TCF3: variants seen among roughly 807,000 people sequenced by gnomAD.
TCF3 encodes the protein transcription factor 3, also known as transcription factor E2-alpha.
In TCF3, 54 loss-of-function variants were observed where a neutral mutation model predicts 72.3. That is an observed-to-expected ratio of 0.75 (90% CI 0.60 to 0.94). TCF3 has a LOEUF of 0.94. Ranked by LOEUF, TCF3 falls within the 40% of genes least tolerant of loss-of-function variation. The probability of loss-of-function intolerance (pLI) is 0.00; values close to 1 mark genes in which losing one functional copy is unlikely to be tolerated. For missense variants in TCF3, 1,078 were observed against 934.4 expected (o/e 1.15, Z -2.00); for synonymous variants, 525 against 412.6 (o/e 1.27, Z -3.30).
intron 3 of TCF3, among the ~76,000 whole-genome samples, chr19:1,644,918 C>T (rs570792578): frequency 2.0e-5 from 3 of 152,132 alleles, no homozygotes; most frequent in Admixed American, 6.5e-5. Context: ...GGGCCTGACC[C>T]TCTGCCTCAC....
chr19:1,625,663 G>A lies in TCF3; in HGVS notation c.412C>T (p.Leu138=). The A allele has an allele frequency of 1.3e-6, 2 of 1,528,586 alleles. No homozygotes were observed. The highest frequency in any genetic ancestry group is 1.7e-6 in the Non-Finnish European group (2 of 1,144,800). 94.7% of individuals were successfully genotyped at this position (1,528,586 alleles called of 1,614,324 possible). The change falls in exon 7 of 19, where the codon CTG becomes TTG. Residue 138 remains leucine, a synonymous_variant. Transcript: ENST00000262965. ...GTCCCCTTCATGCCCGAAGGGGACA[G>A]GGGCCCGGGGCTGTTGAGGGCCAGC... ...GELALNSPGP[L]SPSGMKGTSQ...
intron 18 of TCF3, among the ~76,000 whole-genome samples, chr19:1,613,713 G>A (rs2061269625): frequency 6.6e-6 from 1 of 152,114 alleles, no homozygotes; most frequent in Non-Finnish European, 1.5e-5. Flanking sequence ...CATCCCCCGA[G>A]ACCCCCACAC....
chr19:1,615,153 A>C lies in TCF3; in HGVS notation c.1822+132T>G, dbSNP rs73919275. 2.6e-3 allele frequency: 2,832 copies of C among 1,080,900 alleles called. 49 individuals carry two copies. The African/African-American group carries it at 0.042, about 16-fold the overall frequency. 67.0% of individuals were successfully genotyped at this position (1,080,900 alleles called of 1,614,324 possible). On this transcript the variant is annotated intron_variant, in intron 18 of 18. Transcript: ENST00000262965. The surrounding 1 kb of genome is among the most constrained non-coding windows in gnomAD (Gnocchi z 7.3). ...ATGCGGTCAGAGGGGTGAAGGGCAC[A>C]GTCACTGCAAGGAGGCAACTGCTGC... is the stretch of plus-strand genomic sequence containing the variant.
At chr19:1,621,243 C>T (rs528268661) in intron 11 of TCF3, 52 bp from the exon 12 acceptor site, 38 of 1,515,762 alleles carry the variant, frequency 2.5e-5, no homozygotes, top group African/African-American at 2.3e-4. Context: ...GTGCTGCCGC[C>T]GACGGCAAGC....
intron 18 of TCF3, chr19:1,612,276 CT>C: frequency 6.2e-7 from 1 of 1,613,274 alleles, no homozygotes; most frequent in East Asian, 2.2e-5. Flanking sequence ...TTGGTCTGCG[CT>C]TTGTCCGACT....
chr19:1,625,658 G>T lies in TCF3; in HGVS notation c.417C>A (p.Ser139=). 6.5e-7 allele frequency: 1 copy of T among 1,537,530 alleles called. No individual in the cohort carries two copies. The highest frequency in any genetic ancestry group is 8.7e-7 in the Non-Finnish European group (1 of 1,148,886). Residue 139 remains serine (S), a synonymous_variant, in exon 7 of 19, where the codon TCC becomes TCA. Transcript: ENST00000262965. ...ELALNSPGPL[S]PSGMKGTSQY... ...GGGAGGTCCCCTTCATGCCCGAAGGGGACAGGGGCCCGGGGCTGTTGAGGG... is the reference window on the plus strand; with the variant it reads ...GGGAGGTCCCCTTCATGCCCGAAGGTGACAGGGGCCCGGGGCTGTTGAGGG...
Position 1,614,556 on chromosome 19 carries a change from G to C in TCF3, c.1822+729C>G, listed in dbSNP as rs562447957. Among the ~76,000 whole-genome samples the C allele has an allele frequency of 8.5e-5, 13 of 152,288 alleles. No individual in the cohort carries two copies. The highest frequency in any genetic ancestry group is 1.8e-4 in the Non-Finnish European group (12 of 68,010). ...CGGCTGCAGAGACTCGGAAACCTTAGAGCTGAGGGGATAGCGTGTGGGCCG... is the reference window on the plus strand; with the variant it reads ...CGGCTGCAGAGACTCGGAAACCTTACAGCTGAGGGGATAGCGTGTGGGCCG... On this transcript the variant is annotated intron_variant, in intron 18 of 18. Coordinates refer to ENST00000262965, the MANE Select transcript of TCF3 (RefSeq NM_003200.5). The surrounding 1 kb of genome is among the most constrained non-coding windows in gnomAD (Gnocchi z 5.6).
At chr19:1,643,623 C>A (rs1338294356) in intron 3 of TCF3, among the ~76,000 whole-genome samples, 1 of 152,216 alleles carries the variant, frequency 6.6e-6, no homozygotes, top group Non-Finnish European at 1.5e-5. Context: ...TCAAGCGATC[C>A]TCCTGCCTTG....
chr19:1,649,584 G>A (rs768572257), intron 2 of TCF3, among the ~76,000 whole-genome samples: 7 of 152,012 alleles, frequency 4.6e-5, no homozygotes, highest in Admixed American at 6.6e-5. Context: ...CTAATTTTTT[G>A]AGTTTTGTTT....
At chr19:1,618,169 G>C (rs958339304) in intron 16 of TCF3, among the ~76,000 whole-genome samples, 1 of 152,032 alleles carries the variant, frequency 6.6e-6, no homozygotes, top group Non-Finnish European at 1.5e-5. Context: ...CCCAGCCCCA[G>C]TGTCACCCAC....
intron 11 of TCF3, 70 bp downstream of exon 11, chr19:1,621,768 C>G: frequency 6.8e-7 from 1 of 1,469,864 alleles, no homozygotes; most frequent in Non-Finnish European, 9.0e-7. Context: ...GTCCTCGCCA[C>G]CCCCCACCCA....
At chr19:1,619,709 T>C in intron 14 of TCF3, 71 bp downstream of exon 14, 2 of 1,200,652 alleles carry the variant, frequency 1.7e-6, no homozygotes, top group Non-Finnish European at 2.2e-6. Flanking sequence ...AAAAGGTTTC[T>C]CCTTCTCAAG....
At chr19:1,641,795 G>A (rs1245245015) in intron 3 of TCF3, among the ~76,000 whole-genome samples, 1 of 151,912 alleles carries the variant, frequency 6.6e-6, no homozygotes, top group African/African-American at 2.4e-5. Context: ...GTTTCTCCAT[G>A]TTGCCCAGGC....
intron 3 of TCF3, among the ~76,000 whole-genome samples, chr19:1,642,331 C>T (rs2065454761): frequency 1.3e-5 from 2 of 152,108 alleles, no homozygotes. Context: ...GACACACACA[C>T]GTGCGTGTAA....
At chr19:1,636,498 T>C (rs1049291926) in intron 3 of TCF3, among the ~76,000 whole-genome samples, 4 of 152,144 alleles carry the variant, frequency 2.6e-5, no homozygotes, top group East Asian at 1.9e-4. Flanking sequence ...GGGGTCTCAC[T>C]ACATTGCCCA....
At chr19:1,623,862 G>T in intron 8 of TCF3, 89 bp downstream of exon 8, 2 of 1,377,866 alleles carry the variant, frequency 1.5e-6, no homozygotes, top group Non-Finnish European at 1.0e-6. Context: ...GGCCCACCCC[G>T]CCATGTGTGT....
At chr19:1,619,954 C>A in intron 13 of TCF3, 101 bp from the exon 14 acceptor site, 1 of 1,073,860 alleles carries the variant, frequency 9.3e-7, no homozygotes, top group Non-Finnish European at 1.4e-6. Context: ...CCTGTCCAGC[C>A]TCCGGTGATG....
chr19:1,632,271 C>G (rs1020963142), intron 4 of TCF3, 61 bp downstream of exon 4: 5 of 1,550,456 alleles, frequency 3.2e-6, no homozygotes, highest in Non-Finnish European at 4.4e-6. Flanking sequence ...TTCCCCACAC[C>G]CCTCGCCCCC....
At chr19:1,651,665 G>C (rs934485379) in intron 1 of TCF3, among the ~76,000 whole-genome samples, 2 of 151,978 alleles carry the variant, frequency 1.3e-5, no homozygotes, top group Admixed American at 6.5e-5. Flanking sequence ...CTTTTTCCCG[G>C]GGGGAGGCGG....
Sources: gnomAD v4.1 joint callset for allele counts (sites outside exome capture counted in the v4.1 genomes callset) on GRCh38, gnomAD v4.1.1 for gene constraint, Gnocchi (gnomAD v3.1) non-coding constraint, MANE v1.5 for transcripts, NCBI Gene and HGNC (gene_info 2026-07-23, HGNC 2026-07-21) for gene names.